Variants in TDP1 observed in about 807,000 individuals in gnomAD.
TDP1 encodes tyr-DNA phosphodiesterase 1.
Under a neutral mutation model 81.5 loss-of-function variants are expected in TDP1, and 64 were observed. The ratio of observed to expected loss-of-function variants is 0.79; its 90% CI spans 0.64 to 0.97. TDP1 has a LOEUF of 0.97. Ranked by LOEUF, TDP1 falls within the 50% of genes least tolerant of loss-of-function variation. The pLI is 0.00. For synonymous variants in TDP1, 256 were observed against 264.3 expected, an observed-to-expected ratio of 0.97 and a Z score of 0.30; for missense variants, 723 against 743.8, an observed-to-expected ratio of 0.97 and a Z score of 0.33.
In TDP1 at chr14:90,043,112, A is replaced by C; in HGVS notation, c.1796A>C (p.Asp599Ala). The change falls in exon 17 of 17, where the codon GAT becomes GCT. Residue 599 changes from aspartate (D) to alanine (A), a missense_variant. Physicochemically the swap from Asp to Ala is moderately radical, Grantham distance 126. Transcript: ENST00000335725. ...AACATTCCTTATGTCAAAGCACCGG[A>C]TACGCATGGGAACATGTGGGTGCCC... ...IWNIPYVKAPDTHGNMWVPS is the reference protein window; with the variant it reads ...IWNIPYVKAPATHGNMWVPS 3 of 1,614,206 alleles carry C rather than the reference A, an allele frequency of 1.9e-6. No individual in the cohort carries two copies. The highest frequency in any genetic ancestry group is 2.5e-6 in the Non-Finnish European group (3 of 1,180,030).
At chr14:90,035,985 C>T (rs1887780631) in intron 16 of TDP1, among the ~76,000 whole-genome samples, 1 of 152,066 alleles carries the variant, frequency 6.6e-6, no homozygotes, top group Non-Finnish European at 1.5e-5. Context: ...TAAGCATTCC[C>T]AGGAACTTAG....
chr14:90,001,161 A>G (rs1897158925), intron 14 of TDP1, among the ~76,000 whole-genome samples: 1 of 152,220 alleles, frequency 6.6e-6, no homozygotes. Flanking sequence ...CATCCAGTTG[A>G]CATTTCACAA....
In TDP1 at chr14:89,966,128, A is replaced by C. The variant is rs1265881292; in HGVS notation, c.560-19A>C. On this transcript the variant is annotated intron_variant, in intron 3 of 16. Transcript: ENST00000335725. ...GGATTTTTGTGAGTGTGAATTTGAT[A>C]TATGTTTTGTCTTCTCAGATATTTT... 6.4e-7 allele frequency: 1 copy of C among 1,555,024 alleles called. No individual in the cohort carries two copies. The highest frequency in any genetic ancestry group is 2.2e-5 in the East Asian group (1 of 44,598).
At chr14:89,999,044 G>A (rs982946345) in intron 14 of TDP1, among the ~76,000 whole-genome samples, 1 of 152,132 alleles carries the variant, frequency 6.6e-6, no homozygotes, top group African/African-American at 2.4e-5. Context: ...GTTTTAAATA[G>A]TCGACTTCAG....
chr14:90,015,155 A>T (rs1224345879), intron 14 of TDP1, among the ~76,000 whole-genome samples: 1 of 152,120 alleles, frequency 6.6e-6, no homozygotes, highest in Admixed American at 6.5e-5. Context: ...AAGCCCAGGG[A>T]GGAGAGGAGT....
chr14:89,994,546 C>T (rs1376405961), intron 14 of TDP1, among the ~76,000 whole-genome samples: 1 of 152,292 alleles, frequency 6.6e-6, no homozygotes. Flanking sequence ...ATTAAAGTAA[C>T]CCTGTGAGTA....
chr14:89,976,482 C>G (rs1894331383), intron 7 of TDP1, among the ~76,000 whole-genome samples: 1 of 149,524 alleles, frequency 6.7e-6, no homozygotes, highest in Non-Finnish European at 1.5e-5. Flanking sequence ...ACCACTACCC[C>G]CTCGCTCCTA....
Position 89,984,554 on chromosome 14 carries a change from G to A in TDP1, c.923G>A (p.Gly308Glu). 1 of 1,614,032 alleles carries A rather than the reference G, an allele frequency of 6.2e-7. No individual in the cohort carries two copies. The highest frequency in any genetic ancestry group is 2.2e-5 in the East Asian group (1 of 44,876). Residue 308 changes from glycine to glutamate, a missense_variant, in exon 9 of 17, where the codon GGA (glycine) becomes GAA (glutamate). Transcript: ENST00000335725. The stretch of plus-strand genomic sequence containing the variant: ...CCCTTATACCCACGAATTGCTGATG[G>A]AACCCACAAATCTGGAGAGTCGCCA... ...LSPLYPRIAD[G>E]THKSGESPTH...
chr14:90,044,523 A>C lies in TDP1; in HGVS notation c.*1380A>C, dbSNP rs1302786616. The C allele has an allele frequency of 6.6e-6, 1 of 152,210 alleles. No individual in the cohort carries two copies. Among genetic ancestry groups the C allele is most frequent in the Non-Finnish European group, 1.5e-5 (1 of 68,042 alleles). 9.4% of individuals were successfully genotyped at this position (152,210 alleles called of 1,614,324 possible). A position where few individuals can be genotyped will look rare whatever the true frequency, so the allele number is the denominator to read the frequency against. On this transcript the variant is annotated 3_prime_UTR_variant, in exon 17 of 17. Coordinates refer to ENST00000335725, the MANE Select transcript of TDP1 (RefSeq NM_018319.4). ...GAAAGATTTTCTAAAGTAGTCTTTC[A>C]AACTGTTCCTCAGAGGCCTAGGATT...
At chr14:89,987,214 C>G (rs565751010) in intron 10 of TDP1, among the ~76,000 whole-genome samples, 2 of 152,308 alleles carry the variant, frequency 1.3e-5, no homozygotes, top group South Asian at 2.1e-4. Context: ...TTCCTCTGCT[C>G]TCACACTACA....
At chr14:89,983,956 A>G (rs568825874) in intron 8 of TDP1, among the ~76,000 whole-genome samples, 1 of 152,270 alleles carries the variant, frequency 6.6e-6, no homozygotes, top group Non-Finnish European at 1.5e-5. Flanking sequence ...AGTATAAGAC[A>G]TAAAAATATG....
At chr14:89,959,784 AATTCACAGAGTT>A (rs2139909070) in intron 2 of TDP1, among the ~76,000 whole-genome samples, 1 of 152,316 alleles carries the variant, frequency 6.6e-6, no homozygotes, top group African/African-American at 2.4e-5. Flanking sequence ...TTCTCTAAAT[AATTCACAGAGTT>A]GCTAAGGATT....
At chr14:90,030,205 G>A (rs896793065) in intron 15 of TDP1, among the ~76,000 whole-genome samples, 11 of 152,184 alleles carry the variant, frequency 7.2e-5, no homozygotes, top group Non-Finnish European at 1.3e-4. Context: ...CCTGCCCTCC[G>A]TGTCTTCCCT....
At chr14:90,024,244 G>T (rs1424370901) in intron 15 of TDP1, among the ~76,000 whole-genome samples, 1 of 152,082 alleles carries the variant, frequency 6.6e-6, no homozygotes, top group Non-Finnish European at 1.5e-5. Context: ...AGAACTCATG[G>T]CTCTCACTAC....
At chr14:90,028,436 G>C (rs1200321913) in intron 15 of TDP1, among the ~76,000 whole-genome samples, 1 of 152,198 alleles carries the variant, frequency 6.6e-6, no homozygotes, top group Non-Finnish European at 1.5e-5. Context: ...TAAATCATCA[G>C]AGCGACAATC....
chr14:89,957,678 A>G (rs1017111917), intron 2 of TDP1, among the ~76,000 whole-genome samples: 1 of 152,192 alleles, frequency 6.6e-6, no homozygotes, highest in Admixed American at 6.5e-5. Flanking sequence ...TATATCCACA[A>G]CATGTTTTAA....
intron 14 of TDP1, among the ~76,000 whole-genome samples, chr14:90,001,353 G>A (rs1304036626): frequency 2.6e-5 from 4 of 152,068 alleles, no homozygotes; most frequent in African/African-American, 9.7e-5. Flanking sequence ...CCTGGGTCAC[G>A]TTTTAGTATA....
chr14:89,962,151 T>C (rs181451938), intron 2 of TDP1, among the ~76,000 whole-genome samples: 1 of 152,228 alleles, frequency 6.6e-6, no homozygotes, highest in Non-Finnish European at 1.5e-5. Context: ...AAGTTATTTC[T>C]GTGTAGGTGT....
Position 89,984,790 on chromosome 14 carries a change from C to T in TDP1, c.1052+107C>T, listed in dbSNP as rs1895371098. Reference sequence around the variant, plus strand: ...TGGAAAGAGGTGGGGTGAAATCTAGCCAAGCTTCAGGATGTGATGAGGGGA... The same window carrying T: ...TGGAAAGAGGTGGGGTGAAATCTAGTCAAGCTTCAGGATGTGATGAGGGGA... On this transcript the variant is annotated intron_variant, in intron 9 of 16. Coordinates refer to ENST00000335725, the MANE Select transcript of TDP1 (RefSeq NM_018319.4). The T allele has an allele frequency of 1.9e-6, 3 of 1,596,468 alleles. No homozygotes were observed. In the South Asian group the frequency reaches 3.3e-5, roughly 18 times the overall value.
Sources: gnomAD v4.1 joint callset for allele counts (sites outside exome capture counted in the v4.1 genomes callset) on GRCh38, gnomAD v4.1.1 for gene constraint, MANE v1.5 for transcripts, NCBI Gene and HGNC (gene_info 2026-07-23, HGNC 2026-07-21) for gene names.